Variants in CACNB2 observed in about 807,000 individuals in gnomAD.
CACNB2 encodes the protein calcium voltage-gated channel auxiliary subunit beta 2, also known as voltage-dependent L-type calcium channel subunit beta-2.
Under a neutral mutation model 73.3 loss-of-function variants are expected in CACNB2, and 42 were observed. The observed-to-expected ratio is 0.57, with a 90% CI of 0.45 to 0.74. The LOEUF is 0.74. Among genes scored for constraint, CACNB2 ranks in the 30% least tolerant of loss-of-function variants. The probability of loss-of-function intolerance (pLI) is 0.00; values close to 1 mark genes in which losing one functional copy is unlikely to be tolerated. For synonymous variants in CACNB2, 348 were observed against 310.3 expected (o/e 1.12, Z -1.28); for missense variants, 940 against 853.0 (o/e 1.10, Z -1.27).
chr10:18,338,696 TCCTTCCTGACTTCCTG>T (rs1290183352), intron 2 of CACNB2, among the ~76,000 whole-genome samples: 3 of 149,050 alleles, frequency 2.0e-5, no homozygotes, highest in Non-Finnish European at 3.0e-5. Context: ...CTTCCTTCCT[TCCTTCCTGACTTCCTG>T]CCTTCCTGCC....
chr10:18,342,741 G>A (rs968386105), intron 2 of CACNB2, among the ~76,000 whole-genome samples: 5 of 152,000 alleles, frequency 3.3e-5, no homozygotes, highest in African/African-American at 1.2e-4. Context: ...TTTAAATTCA[G>A]TCTTTCTCAA....
At chr10:18,361,465 C>T (rs925673067) in intron 2 of CACNB2, among the ~76,000 whole-genome samples, 2 of 147,402 alleles carry the variant, frequency 1.4e-5, no homozygotes, top group African/African-American at 5.0e-5. Flanking sequence ...CACCACTGCA[C>T]TCCAGCCTGG....
intron 2 of CACNB2, among the ~76,000 whole-genome samples, chr10:18,226,820 G>C (rs1289847933): frequency 6.6e-6 from 1 of 152,142 alleles, no homozygotes; most frequent in Non-Finnish European, 1.5e-5. Context: ...ATACAGCCAG[G>C]ATTTTAACTC....
intron 2 of CACNB2, among the ~76,000 whole-genome samples, chr10:18,399,899 C>T (rs1019695145): frequency 2.6e-5 from 4 of 152,086 alleles, no homozygotes; most frequent in African/African-American, 7.2e-5. Context: ...CTTCTTCAGC[C>T]TCACTCACCT....
chr10:18,232,663 G>C (rs894733564), intron 2 of CACNB2, among the ~76,000 whole-genome samples: 1 of 152,286 alleles, frequency 6.6e-6, no homozygotes, highest in Middle Eastern at 3.4e-3. Flanking sequence ...TCAGCTGTGC[G>C]TAAAATTTGC....
chr10:18,375,535 C>G (rs2042761765), intron 2 of CACNB2, among the ~76,000 whole-genome samples: 1 of 152,136 alleles, frequency 6.6e-6, no homozygotes, highest in African/African-American at 2.4e-5. Context: ...CCCTGAGTAG[C>G]CTCTTGTTCC....
chr10:18,250,597 T>C (rs564278844), intron 2 of CACNB2, among the ~76,000 whole-genome samples: 54 of 152,310 alleles, frequency 3.5e-4, no homozygotes, highest in African/African-American at 1.2e-3. Context: ...GCAATGACTA[T>C]GGACGAATGT....
chr10:18,539,256 T>C lies in CACNB2; in HGVS notation c.1515T>C (p.Asp505=). Residue 505 remains aspartate, a synonymous_variant, in exon 14 of 14, where the codon GAT becomes GAC. Transcript: ENST00000324631. Reference sequence around the variant, plus strand: ...GTTCTCAAGGTGATCAGAGGACTGATCGCTCCGCTCCTATCCGTTCTGCTT... The same window carrying C: ...GTTCTCAAGGTGATCAGAGGACTGACCGCTCCGCTCCTATCCGTTCTGCTT... ...SQGSQGDQRT[D]RSAPIRSASQ... is the part of the protein sequence containing the mutation. The C allele has an allele frequency of 1.9e-6, 3 of 1,613,996 alleles. No homozygotes were observed. Among genetic ancestry groups the C allele is most frequent in the Non-Finnish European group, 2.5e-6 (3 of 1,180,004 alleles).
At chr10:18,525,048 A>AAAAAAC (rs1554838145) in intron 9 of CACNB2, among the ~76,000 whole-genome samples, 1 of 147,674 alleles carries the variant, frequency 6.8e-6, no homozygotes. Flanking sequence ...AAAAAAAAAA[A>AAAAAAC]ACACATTATA....
At chr10:18,492,871 G>C (rs2049537712) in intron 3 of CACNB2, among the ~76,000 whole-genome samples, 1 of 151,956 alleles carries the variant, frequency 6.6e-6, no homozygotes, top group African/African-American at 2.4e-5. Flanking sequence ...TTTAATGGGG[G>C]GTAAATACAG....
At chr10:18,342,720 C>A (rs1004008844) in intron 2 of CACNB2, among the ~76,000 whole-genome samples, 1 of 151,990 alleles carries the variant, frequency 6.6e-6, no homozygotes, top group Non-Finnish European at 1.5e-5. Flanking sequence ...GTCTTTATAA[C>A]CATTCAACAC....
intron 2 of CACNB2, among the ~76,000 whole-genome samples, chr10:18,315,448 C>G (rs966497689): frequency 7.2e-6 from 1 of 139,406 alleles, no homozygotes; most frequent in Non-Finnish European, 1.5e-5. Context: ...ATTGCTTGAG[C>G]CCAGGAGTTT....
chr10:18,446,320 A>G (rs1200131443), intron 3 of CACNB2, among the ~76,000 whole-genome samples: 2 of 152,216 alleles, frequency 1.3e-5, no homozygotes, highest in African/African-American at 4.8e-5. Context: ...GAACCAGGAA[A>G]TGAAATCATC....
chr10:18,284,083 AT>A (rs1406772736), intron 2 of CACNB2, among the ~76,000 whole-genome samples: 15 of 152,120 alleles, frequency 9.9e-5, no homozygotes, highest in Admixed American at 8.5e-4. Flanking sequence ...AAATAAAAAA[AT>A]AATAAATAAT....
intron 2 of CACNB2, among the ~76,000 whole-genome samples, chr10:18,168,853 G>T (rs1273434201): frequency 6.6e-6 from 1 of 152,102 alleles, no homozygotes; most frequent in Non-Finnish European, 1.5e-5. Context: ...TTTAACTGTG[G>T]TTCCTTGACA....
chr10:18,492,256 A>G (rs917211051), intron 3 of CACNB2, among the ~76,000 whole-genome samples: 3 of 152,232 alleles, frequency 2.0e-5, no homozygotes, highest in South Asian at 2.1e-4. Flanking sequence ...GGGGCTTACA[A>G]TTCGACATGA....
At chr10:18,177,465 C>CAAAA (rs35967003) in intron 2 of CACNB2, among the ~76,000 whole-genome samples, 22 of 130,334 alleles carry the variant, frequency 1.7e-4, no homozygotes, top group Admixed American at 2.3e-4. Flanking sequence ...ATTAAAAATG[C>CAAAA]AAAAAAAAAA....
chr10:18,319,441 C>A (rs2040315275), intron 2 of CACNB2, among the ~76,000 whole-genome samples: 1 of 151,736 alleles, frequency 6.6e-6, no homozygotes, highest in Non-Finnish European at 1.5e-5. Flanking sequence ...ACACCAGGGC[C>A]TCTCAGGGGG....
chr10:18,459,008 C>G (rs1190168904), intron 3 of CACNB2, among the ~76,000 whole-genome samples: 1 of 152,024 alleles, frequency 6.6e-6, no homozygotes, highest in African/African-American at 2.4e-5. Flanking sequence ...CAGGTCATCT[C>G]CCCGCCTCGG....
Sources: allele counts gnomAD v4.1 joint callset (sites outside exome capture counted in the v4.1 genomes callset), GRCh38; gene constraint gnomAD v4.1.1; transcripts MANE v1.5; gene names NCBI Gene and HGNC (gene_info 2026-07-23, HGNC 2026-07-21).